The following SLC38A8 variants were observed in gnomAD, a reference collection of about 807,000 sequenced individuals.
The protein encoded by SLC38A8 is amino acid transporter SLC38A8.
SLC38A8 carries 65 observed loss-of-function variants against 46.0 expected under a neutral mutation model. The ratio of observed to expected loss-of-function variants is 1.41; its 90% CI spans 1.16 to 1.74. SLC38A8 has a LOEUF of 1.74. Among genes scored for constraint, SLC38A8 ranks in the 40% most tolerant of loss-of-function variants. The probability of loss-of-function intolerance (pLI) is 0.00; values close to 1 mark genes in which losing one functional copy is unlikely to be tolerated. For missense variants in SLC38A8, 998 were observed against 567.9 expected, an observed-to-expected ratio of 1.76 and a Z score of -7.70; for synonymous variants, 447 against 243.7, an observed-to-expected ratio of 1.83 and a Z score of -7.77.
chr16:84,039,785 G>A (rs575311979), intron 2 of SLC38A8: 1 of 147,458 alleles, frequency 6.8e-6, no homozygotes, highest in Non-Finnish European at 1.5e-5. Context: ...GGAAGGTGTG[G>A]GGGGCAAGGA....
chr16:84,026,079 G>C (rs774238051), intron 6 of SLC38A8, among the ~76,000 whole-genome samples: 1 of 152,264 alleles, frequency 6.6e-6, no homozygotes, highest in Non-Finnish European at 1.5e-5. Context: ...GATGCCCCGA[G>C]GTGGGGAGTC....
chr16:84,042,853 C>G (rs1057437096), upstream of SLC38A8, among the ~76,000 whole-genome samples: 1 of 148,890 alleles, frequency 6.7e-6, no homozygotes, highest in African/African-American at 2.5e-5. Context: ...CTCTCCCCAG[C>G]CCCCTGCAGG....
At chr16:84,033,559 G>A (rs529181628) in intron 3 of SLC38A8, 90 bp from the exon 4 acceptor site, 4 of 1,442,928 alleles carry the variant, frequency 2.8e-6, no homozygotes, top group Admixed American at 5.1e-5. Context: ...GGCTGGGGTT[G>A]GACATCCACC....
intron 9 of SLC38A8, 137 bp from the exon 10 acceptor site, chr16:84,013,189 G>C (rs531844037): frequency 3.5e-6 from 3 of 852,950 alleles, no homozygotes; most frequent in East Asian, 5.0e-5. Context: ...AGGCCCCCTG[G>C]AGAGGCAACA....
chr16:84,032,070 G>A, intron 4 of SLC38A8, 102 bp from the exon 5 acceptor site: 3 of 1,014,142 alleles, frequency 3.0e-6, no homozygotes, highest in Non-Finnish European at 4.5e-6. Context: ...CCTTGACAAT[G>A]AGGTGCTGGC....
chr16:84,028,580 A>AAAG (rs1555554691), intron 6 of SLC38A8, among the ~76,000 whole-genome samples: 1 of 151,232 alleles, frequency 6.6e-6, no homozygotes, highest in African/African-American at 2.4e-5. Context: ...GAAAAAAAAA[A>AAAG]AAAGAAAGAA....
chr16:84,035,810 T>C (rs895461336), intron 3 of SLC38A8, among the ~76,000 whole-genome samples: 1 of 152,366 alleles, frequency 6.6e-6, no homozygotes, highest in South Asian at 2.1e-4. Context: ...CTTGACAGAA[T>C]AGGCTAATCT....
chr16:84,042,075 C>G lies in SLC38A8; in HGVS notation c.83G>C (p.Gly28Ala), dbSNP rs780484933. Residue 28 changes from glycine (G) to alanine (A), a missense_variant, in exon 2 of 11, where the codon GGC becomes GCC. Gly to Ala is a moderately conservative substitution (Grantham distance 60). Coordinates refer to ENST00000299709, the MANE Select transcript of SLC38A8 (RefSeq NM_001080442.3). Reference sequence around the variant, plus strand: ...GGACTTCATGAGGATGAAGACAGCGCCCATCGAGGACAGAGTGGCAGCAGC... The same window carrying G: ...GGACTTCATGAGGATGAAGACAGCGGCCATCGAGGACAGAGTGGCAGCAGC... ...ATAAATLSSM[G>A]AVFILMKSAL... is the part of the protein sequence containing the mutation. The G allele has an allele frequency of 1.2e-6, 2 of 1,614,062 alleles. No individual in the cohort carries two copies. Among genetic ancestry groups the G allele is most frequent in the Non-Finnish European group, 1.7e-6 (2 of 1,180,008 alleles).
rs555616363 is a variant in SLC38A8, at chr16:84,038,244, G to A, written c.190-1344C>T. The stretch of plus-strand genomic sequence containing the variant: ...GAGAATCACTTGAACCCAAGAGGCG[G>A]AAGTTGCAGTAAGCTGAGATCGTGC... On this transcript the variant is annotated intron_variant, in intron 2 of 10. Coordinates refer to ENST00000299709, the MANE Select transcript of SLC38A8 (RefSeq NM_001080442.3). Among the ~76,000 whole-genome samples, 462 of 152,068 alleles carry A rather than the reference G, an allele frequency of 3.0e-3. 2 individuals carry two copies. The highest frequency in any genetic ancestry group is 4.4e-3 in the Non-Finnish European group (296 of 67,990).
chr16:84,024,766 C>G (rs1195055992), intron 6 of SLC38A8, among the ~76,000 whole-genome samples: 2 of 152,066 alleles, frequency 1.3e-5, no homozygotes, highest in South Asian at 4.2e-4. Flanking sequence ...CTTGGCTCGC[C>G]GCAACCTCCG....
At chr16:84,024,319 GTA>G (rs1222992165) in intron 6 of SLC38A8, among the ~76,000 whole-genome samples, 3 of 152,150 alleles carry the variant, frequency 2.0e-5, no homozygotes, top group African/African-American at 7.2e-5. Flanking sequence ...TCTACATACT[GTA>G]TATGTGACAT....
chr16:84,042,253 A>G, intron 1 of SLC38A8, 94 bp from the exon 2 acceptor site: 1 of 1,342,260 alleles, frequency 7.5e-7, no homozygotes, highest in Non-Finnish European at 1.0e-6. Context: ...ACTCAGTGAG[A>G]GCTCCCTGAG....
intron 2 of SLC38A8, among the ~76,000 whole-genome samples, chr16:84,038,224 T>A (rs2085324034): frequency 6.6e-6 from 1 of 151,558 alleles, no homozygotes. Context: ...CGCAGGAGAA[T>A]CACTTGAACC....
At chr16:84,024,646 T>C (rs2085139969) in intron 6 of SLC38A8, among the ~76,000 whole-genome samples, 1 of 152,046 alleles carries the variant, frequency 6.6e-6, no homozygotes, top group Admixed American at 6.5e-5. Flanking sequence ...TCAGGTGTGG[T>C]GGCAAGCACC....
intron 5 of SLC38A8, among the ~76,000 whole-genome samples, chr16:84,031,326 C>G (rs898432039): frequency 9.8e-5 from 15 of 152,324 alleles, no homozygotes; most frequent in African/African-American, 3.6e-4. Flanking sequence ...CAACTATGAG[C>G]CACCACACCC....
rs984148184 is a variant in SLC38A8 at position 84,027,414 on chromosome 16, G to A, written c.690+2080C>T. ...ACACACTAGAAGTCCTGGTGTAGCC[G>A]CATTGGCTGGGAGTGGACACAACCC... On this transcript the variant is annotated intron_variant, in intron 6 of 10. Coordinates refer to ENST00000299709, the MANE Select transcript of SLC38A8 (RefSeq NM_001080442.3). 1.4e-4 allele frequency among the ~76,000 whole-genome samples: 22 copies of A among 151,726 alleles called. No homozygotes were observed. In the Middle Eastern group the frequency reaches 0.014, roughly 94 times the overall value.
In SLC38A8 at chr16:84,016,584, G is replaced by C. The variant is rs2085028377; in HGVS notation, c.1097C>G (p.Pro366Arg). The C allele has an allele frequency of 2.5e-6, 4 of 1,613,964 alleles. No individual in the cohort carries two copies. The highest frequency in any genetic ancestry group is 3.4e-6 in the Non-Finnish European group (4 of 1,180,034). ...TVTLAMALFM[P>R]DLSEIVSIIG... ...GATGCTGACGATCTCGCTGAGGTCA[G>C]GCATAAACAGCGCCATGGCGAGCGT... Residue 366 changes from proline to arginine, a missense_variant, in exon 9 of 11, where the codon CCT (proline) becomes CGT (arginine). Pro to Arg is a moderately radical substitution (Grantham distance 103, BLOSUM62 -2). Coordinates refer to ENST00000299709, the MANE Select transcript of SLC38A8 (RefSeq NM_001080442.3).
chr16:84,027,013 A>G (rs979042919), intron 6 of SLC38A8, among the ~76,000 whole-genome samples: 7 of 152,194 alleles, frequency 4.6e-5, no homozygotes, highest in Admixed American at 3.9e-4. Flanking sequence ...AGAAGGGTGA[A>G]TGGCACGGTA....
At chr16:84,041,088 C>G (rs1361541124) in intron 2 of SLC38A8, 1 of 152,302 alleles carries the variant, frequency 6.6e-6, no homozygotes, top group Admixed American at 6.5e-5. Flanking sequence ...GCAATTCATT[C>G]CATCAGCCAG....
Sources: allele counts gnomAD v4.1 joint callset (sites outside exome capture counted in the v4.1 genomes callset), GRCh38; gene constraint gnomAD v4.1.1; transcripts MANE v1.5; gene names NCBI Gene and HGNC (gene_info 2026-07-23, HGNC 2026-07-21).